NOTCH1: variants seen among roughly 807,000 people sequenced by gnomAD.
NOTCH1 encodes the protein notch receptor 1, also known as neurogenic locus notch homolog protein 1.
A neutral mutation model predicts 254.8 loss-of-function variants in NOTCH1; 37 were observed. The observed-to-expected ratio is 0.15, with a 90% CI of 0.11 to 0.19. NOTCH1 has a LOEUF of 0.19. Ranked by LOEUF, NOTCH1 falls within the 10% of genes least tolerant of loss-of-function variation. NOTCH1 has a pLI of 1.00. For missense variants in NOTCH1, 2,972 were observed against 3,708.6 expected (o/e 0.80, Z 5.16); for synonymous variants, 1,731 against 1,618.1 (o/e 1.07, Z -1.68).
chr9:136,517,193 G>A, intron 9 of NOTCH1, 79 bp downstream of exon 9: 2 of 919,460 alleles, frequency 2.2e-6, no homozygotes, highest in East Asian at 2.7e-5. Context: ...GGGGGCAGGG[G>A]ACACAACCCA....
chr9:136,522,247 G>A lies in NOTCH1; in HGVS notation c.742+603C>T, dbSNP rs1435193892. On this transcript the variant is annotated intron_variant, in intron 4 of 33. Coordinates refer to ENST00000651671, the MANE Select transcript of NOTCH1 (RefSeq NM_017617.5). ...CCACCTCGGCCTCCCAAAGTGCTGGGAGTACAGGCGTGAGCCACCACGCGC... is the reference window on the plus strand; with the variant it reads ...CCACCTCGGCCTCCCAAAGTGCTGGAAGTACAGGCGTGAGCCACCACGCGC... Among the ~76,000 whole-genome samples the A allele has an allele frequency of 1.3e-5, 2 of 152,176 alleles. 1 individual carries two copies. The highest frequency in any genetic ancestry group is 4.8e-5 in the African/African-American group (2 of 41,456).
At chr9:136,502,681 C>T in intron 27 of NOTCH1, 193 bp from the exon 28 acceptor site, 1 of 579,614 alleles carries the variant, frequency 1.7e-6, no homozygotes, top group Non-Finnish European at 3.0e-6. Flanking sequence ...AAATTCTCTC[C>T]TGCACCAGCC....
chr9:136,527,727 C>T (rs997192341), intron 2 of NOTCH1, among the ~76,000 whole-genome samples: 1 of 152,214 alleles, frequency 6.6e-6, no homozygotes, highest in African/African-American at 2.4e-5. Context: ...TTAGGGTCAC[C>T]CGGCACCTGC....
chr9:136,500,689 G>A lies in NOTCH1; in HGVS notation c.5797C>T (p.His1933Tyr). 1 of 1,610,966 alleles carries A rather than the reference G, an allele frequency of 6.2e-7. No individual in the cohort carries two copies. Residue 1933 changes from histidine (H) to tyrosine (Y), a missense_variant, in exon 31 of 34, where the codon CAC becomes TAC. By Grantham distance (83) the His-to-Tyr change is moderately conservative (BLOSUM62 2). Coordinates refer to ENST00000651671, the MANE Select transcript of NOTCH1 (RefSeq NM_017617.5). ...QTDRTGETAL[H>Y]LAARYSRSDA... ...GAGCGTGAGTAGCGGGCGGCCAGGT[G>A]CAAGGCGGTCTCGCCCGTGCGGTCT... is the stretch of plus-strand genomic sequence containing the variant.
At chr9:136,501,611 G>T in intron 30 of NOTCH1, 137 bp downstream of exon 30, 2 of 1,093,294 alleles carry the variant, frequency 1.8e-6, no homozygotes, top group African/African-American at 1.5e-5. Flanking sequence ...CTCTGAATGG[G>T]AAACACCCCA....
At position 136,508,397 on chromosome 9, in the gene NOTCH1, T is replaced by A. The variant is rs547259185; in HGVS notation, c.3172-12A>T. 6.2e-7 allele frequency: 1 copy of A among 1,613,024 alleles called. No homozygotes were observed. The highest frequency in any genetic ancestry group is 1.7e-5 in the Admixed American group (1 of 60,026). Reference sequence around the variant, plus strand: ...CAGTGCACAAGGTTCTGGGGACAGATTGGGGTCAGCTGGGTGCCCGCGCCC... The same window carrying A: ...CAGTGCACAAGGTTCTGGGGACAGAATGGGGTCAGCTGGGTGCCCGCGCCC... On this transcript the variant is annotated splice_polypyrimidine_tract_variant and intron_variant, in intron 19 of 33. Coordinates refer to ENST00000651671, the MANE Select transcript of NOTCH1 (RefSeq NM_017617.5).
chr9:136,511,799 C>T (rs1179616714), intron 15 of NOTCH1, among the ~76,000 whole-genome samples: 1 of 152,208 alleles, frequency 6.6e-6, no homozygotes, highest in Non-Finnish European at 1.5e-5. Flanking sequence ...AGGCCCAGGC[C>T]CCCAGCACAT....
intron 4 of NOTCH1, among the ~76,000 whole-genome samples, chr9:136,522,357 C>T (rs1369391892): frequency 1.3e-5 from 2 of 152,198 alleles, no homozygotes; most frequent in African/African-American, 2.4e-5. Flanking sequence ...AGCAGAGAGG[C>T]TCCTACGTAC....
rs370713185 is a variant in NOTCH1 at position 136,505,016 on chromosome 9, G to A, written c.4675C>T (p.Leu1559=). Residue 1559 remains leucine (L), a synonymous_variant, in exon 26 of 34, where the codon CTG becomes TTG. Transcript: ENST00000651671. The part of the protein sequence containing the change: ...CNSAECEWDG[L]DCAEHVPERL... Reference sequence around the variant, plus strand: ...TCGGGTACATGCTCCGCACAGTCCAGCCCGTCCCACTCGCACTCCGCGCTG... The same window carrying A: ...TCGGGTACATGCTCCGCACAGTCCAACCCGTCCCACTCGCACTCCGCGCTG... The A allele has an allele frequency of 1.9e-6, 3 of 1,604,354 alleles. No individual in the cohort carries two copies. Among genetic ancestry groups the A allele is most frequent in the Non-Finnish European group, 2.5e-6 (3 of 1,176,650 alleles).
chr9:136,494,863 C>G lies in NOTCH1; in HGVS notation c.*1208G>C, dbSNP rs774549380. The G allele has an allele frequency of 5.0e-5, 20 of 398,568 alleles. No individual in the cohort carries two copies. The highest frequency in any genetic ancestry group is 8.8e-5 in the Non-Finnish European group (20 of 226,002). 24.7% of individuals were successfully genotyped at this position (398,568 alleles called of 1,614,324 possible). The stretch of plus-strand genomic sequence containing the variant: ...AGGCTATACTTGGTATTGCAAAAAT[C>G]TGCTCCTCCCAAACTAGGAGGGGTG... On this transcript the variant is annotated 3_prime_UTR_variant, in exon 34 of 34. Transcript: ENST00000651671.
chr9:136,514,745 G>C (rs779546279), intron 12 of NOTCH1, 43 bp from the exon 13 acceptor site: 1 of 1,589,890 alleles, frequency 6.3e-7, no homozygotes, highest in African/African-American at 1.3e-5. Context: ...AGCGCCCAGG[G>C]GGTCCCACCC....
chr9:136,522,564 G>A (rs1843388762), intron 4 of NOTCH1: 1 of 472,502 alleles, frequency 2.1e-6, no homozygotes, highest in Middle Eastern at 5.5e-4. Flanking sequence ...CAGGGTGCCT[G>A]CACTGGGGGG....
chr9:136,520,969 A>C (rs1843358349), intron 4 of NOTCH1, among the ~76,000 whole-genome samples: 1 of 152,086 alleles, frequency 6.6e-6, no homozygotes, highest in African/African-American at 2.4e-5. Context: ...CCCCACGAGG[A>C]GACAGTGCTG....
intron 8 of NOTCH1, 118 bp from the exon 9 acceptor site, chr9:136,517,503 G>A (rs1843295380): frequency 2.4e-6 from 2 of 850,116 alleles, no homozygotes; most frequent in Non-Finnish European, 3.8e-6. Flanking sequence ...AGCCACCACG[G>A]GCCCCCTGCG....
rs1843329794 is a variant in NOTCH1 at position 136,519,361 on chromosome 9, C to T, written c.865+82G>A. 22 of 1,582,408 alleles carry T rather than the reference C, an allele frequency of 1.4e-5. No homozygotes were observed. The South Asian group carries it at 1.7e-4, about 12-fold the overall frequency. The stretch of plus-strand genomic sequence containing the variant: ...CTGGGACAGGGTCTCGGCTGCTCCC[C>T]GCTATGCCTGTGAGTGCAGTTTAGT... On this transcript the variant is annotated intron_variant, in intron 5 of 33. Transcript: ENST00000651671.
intron 2 of NOTCH1, among the ~76,000 whole-genome samples, chr9:136,536,982 C>G (rs1035671190): frequency 2.6e-5 from 4 of 152,138 alleles, no homozygotes; most frequent in Non-Finnish European, 5.9e-5. Context: ...AACAGCTTGG[C>G]GGCTGGCATG....
At chr9:136,500,070 T>C (rs1338744791) in intron 31 of NOTCH1, among the ~76,000 whole-genome samples, 1 of 152,100 alleles carries the variant, frequency 6.6e-6, no homozygotes, top group Non-Finnish European at 1.5e-5. Flanking sequence ...GACCCAGGCA[T>C]CCAAATCCCT....
chr9:136,495,466 T>C lies in NOTCH1; in HGVS notation c.*605A>G. On this transcript the variant is annotated 3_prime_UTR_variant, in exon 34 of 34. Coordinates refer to ENST00000651671, the MANE Select transcript of NOTCH1 (RefSeq NM_017617.5). ...ATGGCAACATCTAACCCATATGCTT[T>C]CACTTGTTTCCTATTTCAGATGCAA... 1 of 399,572 alleles carries C rather than the reference T, an allele frequency of 2.5e-6. No homozygotes were observed. The highest frequency in any genetic ancestry group is 4.4e-6 in the Non-Finnish European group (1 of 226,672). The allele number at this position is 399,572 out of a possible 1,614,324, so 24.8% of individuals were successfully genotyped here. A position where few individuals can be genotyped will look rare whatever the true frequency, so the allele number is the denominator to read the frequency against.
At position 136,513,698 on chromosome 9, in the gene NOTCH1, C is replaced by A; in HGVS notation, c.2208-161G>T. ...GGCAGGCTGGGCGCTGTGGCTCACA[C>A]CTGTAATCCCAGCACTTTGGGAGGC... On this transcript the variant is annotated intron_variant, in intron 13 of 33. Coordinates refer to ENST00000651671, the MANE Select transcript of NOTCH1 (RefSeq NM_017617.5). The surrounding 1 kb of genome is among the most constrained non-coding windows in gnomAD (Gnocchi z 4.7). 1 of 768,034 alleles carries A rather than the reference C, an allele frequency of 1.3e-6. No individual in the cohort carries two copies. The highest frequency in any genetic ancestry group is 1.7e-5 in the South Asian group (1 of 60,278). 47.6% of individuals were successfully genotyped at this position (768,034 alleles called of 1,614,324 possible).
Sources: gnomAD v4.1 joint callset for allele counts (sites outside exome capture counted in the v4.1 genomes callset) on GRCh38, gnomAD v4.1.1 for gene constraint, Gnocchi (gnomAD v3.1) non-coding constraint, MANE v1.5 for transcripts, NCBI Gene and HGNC (gene_info 2026-07-23, HGNC 2026-07-21) for gene names.